The following LNX1 variants were observed in gnomAD, a reference collection of about 807,000 sequenced individuals.
LNX1 encodes E3 ubiquitin-protein ligase LNX.
In LNX1, 54 loss-of-function variants were observed where a neutral mutation model predicts 68.4. That is an observed-to-expected ratio of 0.79 (90% confidence interval 0.63 to 0.99). The LOEUF is 0.99. Among genes scored for constraint, LNX1 ranks in the 50% least tolerant of loss-of-function variants. The probability of loss-of-function intolerance (pLI) is 0.00; values close to 1 mark genes in which losing one functional copy is unlikely to be tolerated. For synonymous variants in LNX1, 336 were observed against 350.0 expected (o/e 0.96, Z 0.45); for missense variants, 906 against 926.4 (o/e 0.98, Z 0.29).
Position 53,478,733 on chromosome 4 carries a change from G to A in LNX1, c.1495C>T (p.Pro499Ser). 1.2e-6 allele frequency: 2 copies of A among 1,613,708 alleles called. No individual in the cohort carries two copies. Among genetic ancestry groups the A allele is most frequent in the Non-Finnish European group, 1.7e-6 (2 of 1,179,772 alleles). ...ERSNTPKPLH[P>S]TITCHEKVVN... ...ACCTTCTCATGACAAGTAATTGTAGGATGGAGGGGCTGAAGGCACAGATGG... is the reference window on the plus strand; with the variant it reads ...ACCTTCTCATGACAAGTAATTGTAGAATGGAGGGGCTGAAGGCACAGATGG... Residue 499 changes from proline to serine, a missense_variant, in exon 8 of 11, where the codon CCT (proline) becomes TCT (serine). Physicochemically the swap from Pro to Ser is moderately conservative, Grantham distance 74. Transcript: ENST00000263925.
At chr4:53,583,200 G>A (rs1731944178) in intron 1 of LNX1, among the ~76,000 whole-genome samples, 1 of 152,168 alleles carries the variant, frequency 6.6e-6, no homozygotes, top group South Asian at 2.1e-4. Flanking sequence ...CACAGAGGAT[G>A]GGCAGTGTTC....
At chr4:53,553,208 A>G (rs192057894) in intron 2 of LNX1, among the ~76,000 whole-genome samples, 50 of 152,220 alleles carry the variant, frequency 3.3e-4, no homozygotes, top group Admixed American at 1.6e-3. Context: ...CACAGAGAGG[A>G]GTGATAATTT....
chr4:53,549,094 T>C (rs573700163), intron 2 of LNX1, among the ~76,000 whole-genome samples: 1 of 152,206 alleles, frequency 6.6e-6, no homozygotes, highest in African/African-American at 2.4e-5. Flanking sequence ...TGTGATGAAA[T>C]AATATGTGCA....
At chr4:53,478,831 C>T in intron 7 of LNX1, 89 bp from the exon 8 acceptor site, 1 of 1,277,406 alleles carries the variant, frequency 7.8e-7, no homozygotes, top group South Asian at 1.4e-5. Flanking sequence ...TTTCCATTTT[C>T]TAAATGCAAA....
At chr4:53,483,796 T>A (rs1724108469) in intron 6 of LNX1, among the ~76,000 whole-genome samples, 1 of 152,144 alleles carries the variant, frequency 6.6e-6, no homozygotes, top group Admixed American at 6.5e-5. Context: ...GGGAGAAAGG[T>A]CATGAAATGA....
chr4:53,493,084 C>T (rs562980404), intron 6 of LNX1, among the ~76,000 whole-genome samples: 1 of 152,296 alleles, frequency 6.6e-6, no homozygotes, highest in Admixed American at 6.5e-5. Context: ...GTTCTCCTAC[C>T]TCAGCCTCCC....
intron 4 of LNX1, among the ~76,000 whole-genome samples, chr4:53,501,032 T>C (rs1725437271): frequency 1.3e-5 from 2 of 152,134 alleles, no homozygotes; most frequent in African/African-American, 4.8e-5. Flanking sequence ...CATTCACACT[T>C]GTAAATGATG....
chr4:53,520,702 C>T (rs1727148754), intron 2 of LNX1, among the ~76,000 whole-genome samples: 1 of 152,178 alleles, frequency 6.6e-6, no homozygotes, highest in Admixed American at 6.5e-5. Context: ...AGGCTCATGC[C>T]TGTAATCCCA....
chr4:53,511,012 A>C (rs1017137402), intron 2 of LNX1, among the ~76,000 whole-genome samples: 1 of 152,230 alleles, frequency 6.6e-6, no homozygotes, highest in African/African-American at 2.4e-5. Context: ...TTCTAAAGAT[A>C]AGTTTTTGAG....
chr4:53,499,693 GA>G (rs1387845850), intron 4 of LNX1, among the ~76,000 whole-genome samples: 1 of 152,180 alleles, frequency 6.6e-6, no homozygotes, highest in African/African-American at 2.4e-5. Flanking sequence ...AGATAATTTT[GA>G]AAATTTCTTC....
intron 4 of LNX1, 73 bp from the exon 5 acceptor site, chr4:53,498,916 T>G: frequency 8.9e-7 from 1 of 1,125,090 alleles, no homozygotes; most frequent in Non-Finnish European, 1.3e-6. Context: ...CTTGCCAAAC[T>G]TCAGTGTCAG....
chr4:53,481,631 C>T, intron 7 of LNX1, 89 bp downstream of exon 7: 1 of 1,408,344 alleles, frequency 7.1e-7, no homozygotes, highest in South Asian at 1.4e-5. Context: ...TAAAAAAGTC[C>T]AGAGATGACA....
intron 7 of LNX1, among the ~76,000 whole-genome samples, chr4:53,480,987 T>A (rs908702454): frequency 7.9e-5 from 12 of 152,158 alleles, no homozygotes; most frequent in African/African-American, 2.9e-4. Flanking sequence ...GCCAAAGCTA[T>A]AGGACTCTTA....
chr4:53,626,661 CAA>C, intron 1 of LNX1, among the ~76,000 whole-genome samples: 1 of 152,218 alleles, frequency 6.6e-6, no homozygotes, highest in East Asian at 1.9e-4. Flanking sequence ...TCTTCTCATT[CAA>C]AAGTTATTTC....
chr4:53,646,538 C>A (rs1341402203), intron 1 of LNX1, among the ~76,000 whole-genome samples: 1 of 152,234 alleles, frequency 6.6e-6, no homozygotes, highest in Non-Finnish European at 1.5e-5. Flanking sequence ...AGAATTGTCA[C>A]CCAATCTACA....
In LNX1 at chr4:53,541,302, A is replaced by C. The variant is rs549553875; in HGVS notation, c.380+32321T>G. 4.6e-5 allele frequency among the ~76,000 whole-genome samples: 7 copies of C among 152,260 alleles called. No individual in the cohort carries two copies. In the East Asian group the frequency reaches 1.4e-3, roughly 29 times the overall value. On this transcript the variant is annotated intron_variant, in intron 2 of 10. Transcript: ENST00000263925. Reference sequence around the variant, plus strand: ...TCAGCAAATGGCTCTCTAAAACTACACTGACTTGGCAAGATCATGTCAAAA... The same window carrying C: ...TCAGCAAATGGCTCTCTAAAACTACCCTGACTTGGCAAGATCATGTCAAAA...
At chr4:53,600,877 C>T (rs941308358) in intron 2 of LNX1, among the ~76,000 whole-genome samples, 5 of 145,060 alleles carry the variant, frequency 3.4e-5, no homozygotes, top group Non-Finnish European at 6.0e-5. Flanking sequence ...ATTACAGGTG[C>T]CCACCACCAC....
chr4:53,559,154 A>G (rs1369116663), intron 2 of LNX1, among the ~76,000 whole-genome samples: 1 of 152,238 alleles, frequency 6.6e-6, no homozygotes, highest in African/African-American at 2.4e-5. Context: ...AGAAAAGTCT[A>G]CAGGATGAGA....
intron 1 of LNX1, chr4:53,575,997 G>C: frequency 6.4e-7 from 1 of 1,562,922 alleles, no homozygotes; most frequent in South Asian, 1.2e-5. Flanking sequence ...TGCTCCAGCA[G>C]GCCCTCCATC....
Sources: allele counts gnomAD v4.1 joint callset (sites outside exome capture counted in the v4.1 genomes callset), GRCh38; gene constraint gnomAD v4.1.1; transcripts MANE v1.5; gene names NCBI Gene and HGNC (gene_info 2026-07-23, HGNC 2026-07-21).